The following GFPT1 variants were observed in gnomAD, a reference collection of about 807,000 sequenced individuals.
GFPT1 encodes glutamine--fructose-6-phosphate transaminase 1.
Under a neutral mutation model 92.0 loss-of-function variants are expected in GFPT1, and 40 were observed. That is an observed-to-expected ratio of 0.43 (90% CI 0.34 to 0.57). The LOEUF is 0.57. Ranked by LOEUF, GFPT1 falls within the 20% of genes least tolerant of loss-of-function variation. GFPT1 has a pLI of 0.02. For synonymous variants in GFPT1, 269 were observed against 280.6 expected (o/e 0.96, Z 0.41); for missense variants, 448 against 869.1 (o/e 0.52, Z 6.09).
chr2:69,376,928 G>A (rs1671885134), intron 1 of GFPT1, among the ~76,000 whole-genome samples: 1 of 151,710 alleles, frequency 6.6e-6, no homozygotes, highest in Admixed American at 6.6e-5. Context: ...AGATTAATGC[G>A]GCAGGGCTGG....
intron 3 of GFPT1, among the ~76,000 whole-genome samples, chr2:69,368,885 C>T (rs1466396356): frequency 6.6e-6 from 1 of 152,204 alleles, no homozygotes; most frequent in Non-Finnish European, 1.5e-5. Context: ...ATTCCATCAA[C>T]ACGCCTGCCA....
chr2:69,354,235 A>G, intron 9 of GFPT1, 24 bp downstream of exon 9: 2 of 1,517,812 alleles, frequency 1.3e-6, no homozygotes, highest in Non-Finnish European at 1.8e-6. Context: ...GATCCTCCCC[A>G]TCCATGCAGA....
At chr2:69,337,674 C>T (rs1670833982) in intron 15 of GFPT1, among the ~76,000 whole-genome samples, 1 of 152,132 alleles carries the variant, frequency 6.6e-6, no homozygotes, top group East Asian at 1.9e-4. Context: ...TAAACTCTAT[C>T]AGGAAGAGGG....
chr2:69,377,435 G>A (rs1231307839), intron 1 of GFPT1, among the ~76,000 whole-genome samples: 1 of 150,760 alleles, frequency 6.6e-6, no homozygotes, highest in Non-Finnish European at 1.5e-5. Context: ...CGGATCACGA[G>A]GTCAGGAGTT....
At chr2:69,329,463 A>G in intron 16 of GFPT1, 39 bp from the exon 17 acceptor site, 1 of 1,472,956 alleles carries the variant, frequency 6.8e-7, no homozygotes, top group Non-Finnish European at 9.5e-7. Flanking sequence ...AATAAACCAA[A>G]CAAATAAAAT....
intron 15 of GFPT1, among the ~76,000 whole-genome samples, chr2:69,336,027 G>T: frequency 8.9e-6 from 1 of 112,468 alleles, no homozygotes; most frequent in Non-Finnish European, 1.8e-5. Context: ...GAGAGACCCT[G>T]TCTCCAAAAA....
At chr2:69,368,226 C>T (rs768340127) in intron 3 of GFPT1, among the ~76,000 whole-genome samples, 7 of 152,118 alleles carry the variant, frequency 4.6e-5, no homozygotes, top group South Asian at 2.1e-4. Flanking sequence ...ACTAAAAATA[C>T]GAAATAATTA....
rs79296658 is a variant in GFPT1 at position 69,338,324 on chromosome 2, C to T, written c.1324+121G>A. On this transcript the variant is annotated intron_variant, in intron 14 of 19. Coordinates refer to ENST00000357308, the MANE Select transcript of GFPT1 (RefSeq NM_001244710.2). ...AGAATTATGTAACATTAAAATAAAT[C>T]TGTATTCGTCAAGTCATCTGCAATG... 1.1e-4 allele frequency: 98 copies of T among 852,244 alleles called. No individual in the cohort carries two copies. In the East Asian group the frequency reaches 2.0e-3, roughly 17 times the overall value. 52.8% of individuals were successfully genotyped at this position (852,244 alleles called of 1,614,324 possible).
At chr2:69,355,864 A>G (rs1671323654) in intron 7 of GFPT1, among the ~76,000 whole-genome samples, 1 of 152,198 alleles carries the variant, frequency 6.6e-6, no homozygotes, top group African/African-American at 2.4e-5. Context: ...TTCAAAAAAT[A>G]CAGAAAAAGC....
chr2:69,375,185 T>C lies in GFPT1; in HGVS notation c.8-1072A>G, dbSNP rs566038938. Among the ~76,000 whole-genome samples, 5 of 152,338 alleles carry C rather than the reference T, an allele frequency of 3.3e-5. No homozygotes were observed. The South Asian group carries it at 1.0e-3, about 32-fold the overall frequency. ...GCTTTGGCCAGAGTGGACACAGCTT[T>C]AATGTATCAAAACTGAAGACTAAAT... On this transcript the variant is annotated intron_variant, in intron 1 of 19. Coordinates refer to ENST00000357308, the MANE Select transcript of GFPT1 (RefSeq NM_001244710.2).
At chr2:69,367,146 GAC>G (rs780367144) in intron 3 of GFPT1, among the ~76,000 whole-genome samples, 3 of 152,114 alleles carry the variant, frequency 2.0e-5, no homozygotes, top group Non-Finnish European at 4.4e-5. Flanking sequence ...TTTTCAAGTT[GAC>G]ACAGTCTTAC....
intron 1 of GFPT1, among the ~76,000 whole-genome samples, chr2:69,386,508 T>C (rs948904395): frequency 3.3e-5 from 5 of 152,222 alleles, no homozygotes; most frequent in East Asian, 1.9e-4. Context: ...AACCAAGTTA[T>C]TGATTAGCAA....
chr2:69,333,968 C>T (rs1439814716), intron 15 of GFPT1, among the ~76,000 whole-genome samples: 3 of 152,084 alleles, frequency 2.0e-5, no homozygotes, highest in Non-Finnish European at 4.4e-5. Context: ...CCAGACTGGC[C>T]AACAAGGTGA....
chr2:69,337,841 T>C lies in GFPT1; in HGVS notation c.1482+57A>G, dbSNP rs1670838640. The C allele has an allele frequency of 2.6e-5, 36 of 1,383,482 alleles. 1 individual carries two copies. The South Asian group carries it at 3.9e-4, about 15-fold the overall frequency. 85.7% of individuals were successfully genotyped at this position (1,383,482 alleles called of 1,614,324 possible). ...AGATACAGACTAGTCTACAGACTAG[T>C]CTGCTTCACTGACACTATGATTAAA... On this transcript the variant is annotated intron_variant, in intron 15 of 19. Transcript: ENST00000357308.
chr2:69,370,694 G>C (rs9678510), intron 2 of GFPT1, among the ~76,000 whole-genome samples: 73,424 of 151,958 alleles, frequency 0.48, 18,334 homozygotes, highest in African/African-American at 0.63. Context: ...AAAATGAAGA[G>C]GACCTGAACT....
intron 1 of GFPT1, among the ~76,000 whole-genome samples, chr2:69,380,000 T>C (rs954774520): frequency 4.6e-5 from 7 of 151,260 alleles, no homozygotes; most frequent in Admixed American, 1.3e-4. Flanking sequence ...ATTACAGGCA[T>C]GAGCCAATGC....
intron 15 of GFPT1, chr2:69,334,654 G>A (rs1670749480): frequency 6.6e-6 from 1 of 152,088 alleles, no homozygotes. Context: ...TACTAAAGTT[G>A]GTATACAATA....
chr2:69,378,166 G>A (rs764756763), intron 1 of GFPT1, among the ~76,000 whole-genome samples: 4 of 152,028 alleles, frequency 2.6e-5, no homozygotes, highest in South Asian at 2.1e-4. Flanking sequence ...CGCCATGCCC[G>A]GCTAATTTTT....
intron 2 of GFPT1, among the ~76,000 whole-genome samples, chr2:69,371,021 G>A (rs907541146): frequency 6.6e-6 from 1 of 151,692 alleles, no homozygotes; most frequent in Non-Finnish European, 1.5e-5. Flanking sequence ...ACAAAAAACA[G>A]GGTGGGGAGC....
Sources: gnomAD v4.1 joint callset for allele counts (sites outside exome capture counted in the v4.1 genomes callset) on GRCh38, gnomAD v4.1.1 for gene constraint, MANE v1.5 for transcripts, NCBI Gene and HGNC (gene_info 2026-07-23, HGNC 2026-07-21) for gene names.